Variants in ATG4A observed in about 807,000 individuals in gnomAD.
The protein encoded by ATG4A is autophagy related 4A cysteine peptidase, also known as cysteine protease ATG4A.
A neutral mutation model predicts 38.4 loss-of-function variants in ATG4A; 22 were observed. That is an observed-to-expected ratio of 0.57 (90% CI 0.41 to 0.82). The LOEUF (loss-of-function observed/expected upper bound fraction) is 0.82. Among genes scored for constraint, ATG4A ranks in the 40% least tolerant of loss-of-function variants. The pLI, the probability that ATG4A is intolerant of heterozygous loss-of-function variation, is 0.00. For missense variants in ATG4A, 220 were observed against 290.0 expected (o/e 0.76, Z 1.75); for synonymous variants, 86 against 100.7 (o/e 0.85, Z 0.88).
intron 12 of ATG4A, 137 bp from the exon 13 acceptor site, chrX:108,153,505 G>T: frequency 4.1e-6 from 2 of 484,253 alleles, no homozygotes; most frequent in Non-Finnish European, 7.2e-6. Context: ...AGTTCTAATT[G>T]TAAGTCTCCT....
At chrX:108,098,903 T>C (rs1356284007) in intron 1 of ATG4A, among the ~76,000 whole-genome samples, 2 of 111,732 alleles carry the variant, frequency 1.8e-5, no homozygotes, top group East Asian at 5.6e-4. Flanking sequence ...AGGGACATTT[T>C]TAAATGTCCA....
At chrX:108,119,588 G>A (rs1483822578) in intron 1 of ATG4A, among the ~76,000 whole-genome samples, 1 of 111,548 alleles carries the variant, frequency 9.0e-6, no homozygotes, top group Non-Finnish European at 1.9e-5. Flanking sequence ...TGATAAATTA[G>A]GATGTGCTGT....
intron 1 of ATG4A, among the ~76,000 whole-genome samples, chrX:108,110,105 T>C (rs748097483): frequency 9.3e-6 from 1 of 107,228 alleles, no homozygotes; most frequent in African/African-American, 3.4e-5. Flanking sequence ...GGTATGTGGC[T>C]CAGAGCTGTA....
rs1429715633 is a variant in ATG4A, at chrX:108,108,332, A to G, written c.10+16496A>G. 3.7e-5 allele frequency among the ~76,000 whole-genome samples: 4 copies of G among 107,590 alleles called. 1 individual carries two copies. The highest frequency in any genetic ancestry group is 1.4e-4 in the African/African-American group (4 of 29,551). The allele number at this position is 107,590 out of a possible 115,157, so 93.4% of individuals were successfully genotyped here. A position where few individuals can be genotyped will look rare whatever the true frequency, so the allele number is the denominator to read the frequency against. ...TAGAAGAAGCCACCTGCCTCCTTCTATTTACCTGTCAGAGATGTATGAGTT... is the reference window on the plus strand; with the variant it reads ...TAGAAGAAGCCACCTGCCTCCTTCTGTTTACCTGTCAGAGATGTATGAGTT... On this transcript the variant is annotated intron_variant, in intron 1 of 12. Transcript: ENST00000372232.
chrX:108,089,954 T>C (rs1310646971), upstream of ATG4A, among the ~76,000 whole-genome samples: 15 of 112,464 alleles, frequency 1.3e-4, no homozygotes, highest in Admixed American at 1.4e-3. Context: ...TAGAAAATGG[T>C]ATTTTAAACT....
At chrX:108,129,569 C>CTTTTT (rs764613277) in intron 3 of ATG4A, among the ~76,000 whole-genome samples, 5 of 96,176 alleles carry the variant, frequency 5.2e-5, no homozygotes, top group Admixed American at 1.1e-4. Context: ...TCTTTTCTTT[C>CTTTTT]TTTTTTTTTT....
At chrX:108,096,584 C>A (rs1481989748) in intron 1 of ATG4A, among the ~76,000 whole-genome samples, 1 of 112,223 alleles carries the variant, frequency 8.9e-6, no homozygotes, top group Non-Finnish European at 1.9e-5. Flanking sequence ...GCTGGAAAAA[C>A]AATTCCAAGT....
Position 108,100,098 on chromosome X carries a change from C to T in ATG4A, c.10+8262C>T, listed in dbSNP as rs141622993. On this transcript the variant is annotated intron_variant, in intron 1 of 12. Coordinates refer to ENST00000372232, the MANE Select transcript of ATG4A (RefSeq NM_052936.5). ...CTTCCAATCCATGAGCACCATATGT[C>T]TCTCCCTTTATTTAGATCTTCTTTT... Among the ~76,000 whole-genome samples the T allele has an allele frequency of 5.6e-3, 620 of 111,509 alleles. 7 individuals are homozygous for T. The highest frequency in any genetic ancestry group is 0.019 in the African/African-American group (583 of 30,768).
intron 1 of ATG4A, among the ~76,000 whole-genome samples, chrX:108,105,082 T>C (rs1214032128): frequency 1.3e-4 from 14 of 111,773 alleles, no homozygotes; most frequent in Non-Finnish European, 3.8e-5. Context: ...TTCAGGTTAT[T>C]GATATACCTC....
chrX:108,153,897 TAA>T lies in ATG4A; in HGVS notation c.*186_*187del. The T allele has an allele frequency of 2.6e-6, 1 of 382,323 alleles. No individual in the cohort carries two copies. Among genetic ancestry groups the T allele is most frequent in the South Asian group, 5.1e-5 (1 of 19,431 alleles). 31.5% of individuals were successfully genotyped at this position (382,323 alleles called of 1,213,427 possible). A position where few individuals can be genotyped will look rare whatever the true frequency, so the allele number is the denominator to read the frequency against. On this transcript the variant is annotated 3_prime_UTR_variant, in exon 13 of 13. Coordinates refer to ENST00000372232, the MANE Select transcript of ATG4A (RefSeq NM_052936.5). ...CAAAACAAAACAAAACAAATGACAG[TAA>T]CCCTTCCCCGGAAAGAAATAGAACA...
In ATG4A at chrX:108,138,169, G is replaced by GT. The variant is rs761790977; in HGVS notation, c.793dup (p.Tyr265LeufsTer9). 3.3e-6 allele frequency: 4 copies of GT among 1,209,450 alleles called. No individual in the cohort carries two copies. The stretch of plus-strand genomic sequence containing the variant: ...CATTAGGAGGAAAACCAAATAACGC[G>GT]TATTATTTCATAGGATTCTTAGGTA... On this transcript the variant is annotated frameshift_variant, in exon 9 of 13. Coordinates refer to ENST00000372232, the MANE Select transcript of ATG4A (RefSeq NM_052936.5). LOFTEE classifies it high-confidence loss of function.
intron 2 of ATG4A, 31 bp from the exon 3 acceptor site, chrX:108,128,750 G>T: frequency 3.9e-6 from 4 of 1,036,466 alleles, no homozygotes; most frequent in Non-Finnish European, 5.2e-6. Context: ...TAGATATGGT[G>T]ATTTAATTTT....
At chrX:108,118,021 A>G (rs1183621135) in intron 1 of ATG4A, among the ~76,000 whole-genome samples, 1 of 112,627 alleles carries the variant, frequency 8.9e-6, no homozygotes, top group Non-Finnish European at 1.9e-5. Flanking sequence ...AACCGTGTCC[A>G]AAACATTGCT....
At chrX:108,152,860 T>C (rs1698081524) in intron 11 of ATG4A, 119 bp from the exon 12 acceptor site, 1 of 491,581 alleles carries the variant, frequency 2.0e-6, no homozygotes, top group African/African-American at 2.4e-5. Context: ...ATGTATTTTC[T>C]AGGCCCCTGT....
rs1260455667 is a variant in ATG4A at position 108,128,867 on chromosome X, T to A, written c.193+15T>A. The A allele has an allele frequency of 8.9e-7, 1 of 1,123,101 alleles. No individual in the cohort carries two copies. The allele number at this position is 1,123,101 out of a possible 1,213,427, so 92.6% of individuals were successfully genotyped here. A position where few individuals can be genotyped will look rare whatever the true frequency, so the allele number is the denominator to read the frequency against. On this transcript the variant is annotated intron_variant, in intron 3 of 12. Transcript: ENST00000372232. ...TTCACCAATTGGTAGGTAAATCATT[T>A]GTTTTACTGTGCTTTATTCCTTGTG...
intron 1 of ATG4A, among the ~76,000 whole-genome samples, chrX:108,096,420 G>T (rs1330873826): frequency 1.8e-5 from 2 of 111,891 alleles, no homozygotes; most frequent in East Asian, 5.6e-4. Flanking sequence ...GTCATAGTTG[G>T]TATAGAGCAG....
At chrX:108,103,401 C>T (rs2032077587) in intron 1 of ATG4A, among the ~76,000 whole-genome samples, 1 of 112,173 alleles carries the variant, frequency 8.9e-6, no homozygotes, top group Non-Finnish European at 1.9e-5. Context: ...GATTTATGAT[C>T]AAGCTCTCTG....
intron 9 of ATG4A, among the ~76,000 whole-genome samples, chrX:108,140,791 C>A (rs12392203): frequency 0.49 from 47,293 of 96,195 alleles, 9,696 homozygotes; most frequent in African/African-American, 0.66. Context: ...AAATATATAA[C>A]ATAAATGTAT....
At position 108,137,107 on chromosome X, in the gene ATG4A, G is replaced by T; in HGVS notation, c.484G>T (p.Asp162Tyr). 8.3e-7 allele frequency: 1 copy of T among 1,206,979 alleles called. No homozygotes were observed. Among genetic ancestry groups the T allele is most frequent in the South Asian group, 1.8e-5 (1 of 56,460 alleles). The part of the protein sequence containing the change: ...AQVLKKLALF[D>Y]EWNSLAVYVS... Reference sequence around the variant, plus strand: ...GCTTTGCAGAAAACTTGCTTTATTTGACGAATGGAATTCCTTGGCTGTTTA... The same window carrying T: ...GCTTTGCAGAAAACTTGCTTTATTTTACGAATGGAATTCCTTGGCTGTTTA... The change falls in exon 7 of 13, where the codon GAC becomes TAC. Residue 162 changes from aspartate to tyrosine, a missense_variant. Around this residue, in one of 3 missense-constraint regions of ATG4A, gnomAD observed 159 missense variants for 188.9 expected, o/e 0.84. Transcript: ENST00000372232.
Sources: gnomAD v4.1 joint callset for allele counts (sites outside exome capture counted in the v4.1 genomes callset) on GRCh38, gnomAD v4.1.1 for gene constraint, gnomAD v4.1.1 regional missense constraint, MANE v1.5 for transcripts, NCBI Gene and HGNC (gene_info 2026-07-23, HGNC 2026-07-21) for gene names.